Variants in HYOU1 observed in about 807,000 individuals in gnomAD.
The protein encoded by HYOU1 is hypoxia up-regulated 1.
HYOU1 carries 40 observed loss-of-function variants against 120.5 expected under a neutral mutation model. The ratio of observed to expected loss-of-function variants is 0.33; its 90% CI spans 0.26 to 0.43. The LOEUF (loss-of-function observed/expected upper bound fraction) is 0.43. HYOU1 is among the 20% of genes least tolerant of loss of function. HYOU1 has a pLI of 1.00. For missense variants in HYOU1, 1,085 were observed against 1,278.3 expected (o/e 0.85, Z 2.31); for synonymous variants, 501 against 479.4 (o/e 1.05, Z -0.59).
Position 119,051,245 on chromosome 11 carries a change from C to T in HYOU1, c.1527-72G>A. On this transcript the variant is annotated intron_variant, in intron 13 of 25. Coordinates refer to ENST00000617285, the MANE Select transcript of HYOU1 (RefSeq NM_006389.5). The surrounding 1 kb of genome is among the most constrained non-coding windows in gnomAD (Gnocchi z 4.2). ...TCTCGCCCTCTAGACTACATGGCCT[C>T]CTGGCACAAGGTGTCAGGGGCACTC... 1 of 1,591,908 alleles carries T rather than the reference C, an allele frequency of 6.3e-7. No individual in the cohort carries two copies. The highest frequency in any genetic ancestry group is 8.6e-7 in the Non-Finnish European group (1 of 1,165,966).
chr11:119,047,020 A>C, intron 22 of HYOU1: 1 of 562,542 alleles, frequency 1.8e-6, no homozygotes, highest in East Asian at 3.0e-5. Context: ...ACATCCTACT[A>C]CTCTGGAGTG....
At chr11:119,054,303 CACCT>C (rs1944625055) in intron 7 of HYOU1, 67 bp from the exon 8 acceptor site, 16 of 1,322,202 alleles carry the variant, frequency 1.2e-5, no homozygotes, top group Non-Finnish European at 6.5e-6. Flanking sequence ...CCTGCCCACC[CACCT>C]GCTTCCAATG....
In HYOU1 at chr11:119,057,025, G is replaced by C. The variant is rs1349727094; in HGVS notation, c.-13C>G. 6.6e-6 allele frequency: 1 copy of C among 152,164 alleles called. No individual in the cohort carries two copies. The highest frequency in any genetic ancestry group is 1.5e-5 in the Non-Finnish European group (1 of 68,182). 9.4% of individuals were successfully genotyped at this position (152,164 alleles called of 1,614,324 possible). A position where few individuals can be genotyped will look rare whatever the true frequency, so the allele number is the denominator to read the frequency against. On this transcript the variant is annotated 5_prime_UTR_variant, in exon 1 of 26. Transcript: ENST00000617285. ...CCTCCATCCACCCCCGCTACCTCTTGCCTCCGCTCCTGCGGCCCCAGCTCT... is the reference window on the plus strand; with the variant it reads ...CCTCCATCCACCCCCGCTACCTCTTCCCTCCGCTCCTGCGGCCCCAGCTCT...
In HYOU1 at chr11:119,049,179, C is replaced by G; in HGVS notation, c.1831G>C (p.Gly611Arg). Residue 611 changes from glycine to arginine, a missense_variant, in exon 17 of 26, where the codon GGG becomes CGG. This residue lies in a region of HYOU1 where 516 missense variants were observed against 517.1 expected (regional missense o/e 1.00). Coordinates refer to ENST00000617285, the MANE Select transcript of HYOU1 (RefSeq NM_006389.5). Reference protein sequence around the residue: ...VQEEEESPAEGSKDEPGEQVE... With the variant: ...VQEEEESPAERSKDEPGEQVE... Reference sequence around the variant, plus strand: ...TGCTCCCCAGGCTCGTCCTTGCTCCCCTCTGCAGGGCTCTCCTCTTCCTCC... The same window carrying G: ...TGCTCCCCAGGCTCGTCCTTGCTCCGCTCTGCAGGGCTCTCCTCTTCCTCC... 1 of 1,606,240 alleles carries G rather than the reference C, an allele frequency of 6.2e-7. No individual in the cohort carries two copies. Among genetic ancestry groups the G allele is most frequent in the Non-Finnish European group, 8.5e-7 (1 of 1,176,092 alleles).
Position 119,051,807 on chromosome 11 carries a change from A to G in HYOU1, c.1338+12T>C. On this transcript the variant is annotated intron_variant, in intron 12 of 25. Transcript: ENST00000617285. This position sits in a 1 kb window ranked among gnomAD's most constrained non-coding sequence, Gnocchi z 4.2. ...AAGGGAGCTTGTCACCTGCTCAGTC[A>G]GGCTCACTCACCAGGATGGGGTAGA... 6.2e-7 allele frequency: 1 copy of G among 1,614,036 alleles called. No homozygotes were observed. Among genetic ancestry groups the G allele is most frequent in the Non-Finnish European group, 8.5e-7 (1 of 1,179,910 alleles).
chr11:119,049,857 GAA>G lies in HYOU1; in HGVS notation c.1666-22_1666-21del. 1.9e-6 allele frequency: 3 copies of G among 1,610,002 alleles called. No homozygotes were observed. Among genetic ancestry groups the G allele is most frequent in the Non-Finnish European group, 2.5e-6 (3 of 1,176,700 alleles). On this transcript the variant is annotated intron_variant, in intron 14 of 25. Coordinates refer to ENST00000617285, the MANE Select transcript of HYOU1 (RefSeq NM_006389.5). ...CTCCACCTGAAAACAGGTTCAAAATGAAAAAATACACAGGCTAATCCACCTTT... is the reference window on the plus strand; with the variant it reads ...CTCCACCTGAAAACAGGTTCAAAATGAAAATACACAGGCTAATCCACCTTT...
Position 119,052,479 on chromosome 11 carries a change from CTT to C in HYOU1, c.988-52_988-51del. 6.2e-7 allele frequency: 1 copy of C among 1,613,088 alleles called. No homozygotes were observed. The highest frequency in any genetic ancestry group is 8.5e-7 in the Non-Finnish European group (1 of 1,179,550). On this transcript the variant is annotated intron_variant, in intron 9 of 25. Transcript: ENST00000617285. The surrounding 1 kb of genome is among the most constrained non-coding windows in gnomAD (Gnocchi z 5.0). ...GGGGTTCTTGCCCAGCTCCCGCTCTCTTGGTGAGTAGGACAGAAACAAAAAGA... is the reference window on the plus strand; with the variant it reads ...GGGGTTCTTGCCCAGCTCCCGCTCTCGGTGAGTAGGACAGAAACAAAAAGA...
chr11:119,054,811 G>A, intron 6 of HYOU1, 136 bp from the exon 7 acceptor site: 3 of 1,084,980 alleles, frequency 2.8e-6, no homozygotes, highest in East Asian at 2.5e-5. Flanking sequence ...ATGTTGAGCA[G>A]CATCCCCGGC....
chr11:119,051,081 T>G lies in HYOU1; in HGVS notation c.1619A>C (p.Lys540Thr), dbSNP rs1420434111. The G allele has an allele frequency of 1.2e-6, 2 of 1,614,120 alleles. No individual in the cohort carries two copies. The highest frequency in any genetic ancestry group is 1.7e-6 in the Non-Finnish European group (2 of 1,180,042). The change falls in exon 14 of 26, where the codon AAG becomes ACG. Residue 540 changes from lysine (K) to threonine (T), a missense_variant. Physicochemically the swap from Lys to Thr is moderately conservative, Grantham distance 78 (BLOSUM62 -1). This residue lies in a region of HYOU1 where 515 missense variants were observed against 677.8 expected (regional missense o/e 0.76). Transcript: ENST00000617285. This position sits in a 1 kb window ranked among gnomAD's most constrained non-coding sequence, Gnocchi z 4.2. ...KYPDYESKGI[K>T]AHFNLDESGV... is the part of the protein sequence containing the mutation. ...ACTCTCATCCAGGTTGAAGTGAGCC[T>G]TGATGCCCTTGGACTCGTAGTCAGG...
intron 7 of HYOU1, 125 bp from the exon 8 acceptor site, chr11:119,054,361 G>A (rs146497490): frequency 1.0e-5 from 12 of 1,192,354 alleles, no homozygotes; most frequent in Admixed American, 5.6e-5. Context: ...TCCAACAGGG[G>A]CTGGGAGGAG....
chr11:119,054,658 C>A lies in HYOU1; in HGVS notation c.514G>T (p.Ala172Ser), dbSNP rs2133606754. 1.2e-6 allele frequency: 2 copies of A among 1,612,744 alleles called. 1 individual carries two copies. Among genetic ancestry groups the A allele is most frequent in the Admixed American group, 3.3e-5 (2 of 60,022 alleles). ...EDFAEQPIKD[A>S]VITVPVFFNQ... ...AAGAAGACTGGCACGGTGATCACTG[C>A]ATCCTTGATGGGCTGCTCTACAGAT... The change falls in exon 7 of 26, where the codon GCA becomes TCA. Residue 172 changes from alanine to serine, a missense_variant. Physicochemically the swap from Ala to Ser is moderately conservative, Grantham distance 99. This residue lies in a region of HYOU1 where 515 missense variants were observed against 677.8 expected (regional missense o/e 0.76). Coordinates refer to ENST00000617285, the MANE Select transcript of HYOU1 (RefSeq NM_006389.5).
chr11:119,056,179 G>C lies in HYOU1; in HGVS notation c.-7-12C>G. 1 of 1,596,716 alleles carries C rather than the reference G, an allele frequency of 6.3e-7. No individual in the cohort carries two copies. The highest frequency in any genetic ancestry group is 2.2e-5 in the East Asian group (1 of 44,790). On this transcript the variant is annotated splice_polypyrimidine_tract_variant and intron_variant, in intron 1 of 25. Transcript: ENST00000617285. ...CTGCCATAGTGCCCCTGGGGGAGGC[G>C]AAGAAAGAAAACACTTAAAACTGGA...
In HYOU1 at chr11:119,048,847, C is replaced by T. The variant is rs148386060; in HGVS notation, c.2032G>A (p.Ala678Thr). 1.2e-5 allele frequency: 19 copies of T among 1,612,934 alleles called. No individual in the cohort carries two copies. Among genetic ancestry groups the T allele is most frequent in the Middle Eastern group, 1.6e-4 (1 of 6,078 alleles). The change falls in exon 18 of 26, where the codon GCT becomes ACT. Residue 678 changes from alanine to threonine, a missense_variant. Ala to Thr is a moderately conservative substitution (Grantham distance 58). Transcript: ENST00000617285. The surrounding 1 kb of genome is among the most constrained non-coding windows in gnomAD (Gnocchi z 4.7). ...TTCTTCTCTCCCTCTGGGGCTGGAG[C>T]GACGCCCTCAGGCCCTGCCTCTGCC... is the stretch of plus-strand genomic sequence containing the variant. ...EKAEAGPEGV[A>T]PAPEGEKKQK... is the part of the protein sequence containing the mutation.
In HYOU1 at chr11:119,048,495, G is replaced by A. The variant is rs2133564870; in HGVS notation, c.2234C>T (p.Ala745Val). The change falls in exon 19 of 26, where the codon GCA becomes GTA. Residue 745 changes from alanine to valine, a missense_variant. Ala to Val is a moderately conservative substitution (Grantham distance 64, BLOSUM62 0). Transcript: ENST00000617285. The surrounding 1 kb of genome is among the most constrained non-coding windows in gnomAD (Gnocchi z 4.7). ...ACTGACCTGGGTCTCAAATATGAAT[G>A]CTTCCAAGCTGTTGGCAGCTTTTTC... ...EREKAANSLE[A>V]FIFETQDKLY... The A allele has an allele frequency of 2.5e-6, 4 of 1,613,954 alleles. No homozygotes were observed. The highest frequency in any genetic ancestry group is 2.2e-5 in the South Asian group (2 of 91,058).
rs1944741741 is a variant in HYOU1 at position 119,056,120 on chromosome 11, A to T, written c.41T>A (p.Val14Asp). 1 of 1,613,758 alleles carries T rather than the reference A, an allele frequency of 6.2e-7. No individual in the cohort carries two copies. The highest frequency in any genetic ancestry group is 1.1e-5 in the South Asian group (1 of 91,078). ...GAGCACAGCCACCAAGGCCCAACAGACTCGCCTCCTCGGCCTCTGCCTCCT... is the reference window on the plus strand; with the variant it reads ...GAGCACAGCCACCAAGGCCCAACAGTCTCGCCTCCTCGGCCTCTGCCTCCT... Reference protein sequence around the residue: ...KVRRQRPRRRVCWALVAVLLA... With the variant: ...KVRRQRPRRRDCWALVAVLLA... The change falls in exon 2 of 26, where the codon GTC becomes GAC. Residue 14 changes from valine (V) to aspartate (D), a missense_variant. Transcript: ENST00000617285.
chr11:119,056,425 G>A (rs782188341), intron 1 of HYOU1: 1 of 565,784 alleles, frequency 1.8e-6, no homozygotes, highest in South Asian at 1.5e-5. Context: ...GAAGCTAACA[G>A]GACAAGAGAA....
chr11:119,046,465 G>A lies in HYOU1; in HGVS notation c.2839C>T (p.Gln947Ter), dbSNP rs2133550011. 2 of 1,614,052 alleles carry A rather than the reference G, an allele frequency of 1.2e-6. No individual in the cohort carries two copies. The highest frequency in any genetic ancestry group is 1.7e-6 in the Non-Finnish European group (2 of 1,179,996). The change falls in exon 24 of 26, where the codon CAG (glutamine) becomes TAG (stop). Residue 947 changes from glutamine to a stop codon, truncating the protein, a stop_gained and splice_region_variant. Transcript: ENST00000617285. LOFTEE classifies it high-confidence loss of function. ...QGEKVIPPAG[Q>*]TEDAEPISEP... is the part of the protein sequence containing the mutation. ...GAAATGGGCTCTGCATCTTCAGTCT[G>A]GCCTAGAAGGAAACCAGGGGTAAGA...
At chr11:119,047,885 C>T in intron 21 of HYOU1, 62 bp downstream of exon 21, 1 of 1,613,402 alleles carries the variant, frequency 6.2e-7, no homozygotes, top group East Asian at 2.2e-5. Flanking sequence ...GAGTGGGAAG[C>T]TGGTAGGAAT....
rs2133583074 is a variant in HYOU1 at position 119,051,180 on chromosome 11, G to A, written c.1527-7C>T. ...ATTCTGGGAGCCAAATACCCTGGTT[G>A]GGAAGGAAAGAGGAGTTCAGGGGGA... On this transcript the variant is annotated splice_polypyrimidine_tract_variant and splice_region_variant and intron_variant, in intron 13 of 25. Transcript: ENST00000617285. The surrounding 1 kb of genome is among the most constrained non-coding windows in gnomAD (Gnocchi z 4.2). 5 of 1,614,210 alleles carry A rather than the reference G, an allele frequency of 3.1e-6. No individual in the cohort carries two copies. The highest frequency in any genetic ancestry group is 1.3e-5 in the African/African-American group (1 of 75,042).
Sources: allele counts gnomAD v4.1 joint callset, GRCh38; gene constraint gnomAD v4.1.1; regional missense constraint gnomAD v4.1.1; non-coding constraint Gnocchi (gnomAD v3.1); transcripts MANE v1.5; gene names NCBI Gene and HGNC (gene_info 2026-07-23, HGNC 2026-07-21).